The following ANO1 variants were observed in gnomAD, a reference collection of about 807,000 sequenced individuals.
ANO1 encodes anoctamin-1.
Under a neutral mutation model 124.0 loss-of-function variants are expected in ANO1, and 59 were observed. The observed-to-expected ratio is 0.48, with a 90% CI of 0.39 to 0.59. ANO1 has a LOEUF of 0.59. Ranked by LOEUF, ANO1 falls within the 20% of genes least tolerant of loss-of-function variation. ANO1 has a pLI of 0.00. For missense variants in ANO1, 1,059 were observed against 1,328.0 expected (o/e 0.80, Z 3.15); for synonymous variants, 529 against 532.0 (o/e 0.99, Z 0.08).
intron 11 of ANO1, among the ~76,000 whole-genome samples, chr11:70,146,041 C>T (rs1052630946): frequency 7.2e-5 from 11 of 152,036 alleles, no homozygotes; most frequent in African/African-American, 2.7e-4. Flanking sequence ...CCTCTCTGTG[C>T]CCCCATTTCC....
chr11:70,043,873 C>CA (rs1211785070), intron 1 of ANO1, among the ~76,000 whole-genome samples: 8 of 152,040 alleles, frequency 5.3e-5, no homozygotes, highest in Non-Finnish European at 1.0e-4. Flanking sequence ...GGGATATACA[C>CA]AAAAGGATGG....
rs190770933 is a variant in ANO1 at position 70,088,238 on chromosome 11, G to A, written c.441+154G>A. 9.6e-3 allele frequency among the ~76,000 whole-genome samples: 1,455 copies of A among 152,110 alleles called. 20 individuals carry two copies. The highest frequency in any genetic ancestry group is 0.032 in the African/African-American group (1,347 of 41,492). Reference sequence around the variant, plus strand: ...TAAAGAAGGGGCAGACGGGCCAGACGCAGTGGCTCACACCTGTAATCCCAG... The same window carrying A: ...TAAAGAAGGGGCAGACGGGCCAGACACAGTGGCTCACACCTGTAATCCCAG... On this transcript the variant is annotated intron_variant, in intron 2 of 25. Transcript: ENST00000355303.
chr11:70,173,857 C>T (rs1020992669), intron 22 of ANO1, among the ~76,000 whole-genome samples: 4 of 152,086 alleles, frequency 2.6e-5, no homozygotes, highest in Non-Finnish European at 5.9e-5. Context: ...TTGAGACCAG[C>T]CTGGCCAATA....
At chr11:70,007,572 G>A (rs973216009) in intron 1 of ANO1, among the ~76,000 whole-genome samples, 5 of 152,116 alleles carry the variant, frequency 3.3e-5, no homozygotes, top group East Asian at 1.9e-4. Flanking sequence ...GAGCCACCGC[G>A]CCCGGCCACC....
intron 1 of ANO1, among the ~76,000 whole-genome samples, chr11:70,027,200 G>A (rs1325629223): frequency 1.3e-5 from 2 of 152,152 alleles, no homozygotes; most frequent in African/African-American, 4.8e-5. Flanking sequence ...TAAACTCATT[G>A]TAAGTTGAAA....
Position 70,187,309 on chromosome 11 carries a change from A to G in ANO1, c.2695-429A>G, listed in dbSNP as rs543336384. 3.8e-4 allele frequency among the ~76,000 whole-genome samples: 58 copies of G among 152,320 alleles called. 1 individual carries two copies. Among genetic ancestry groups the G allele is most frequent in the Admixed American group, 2.8e-3 (43 of 15,306 alleles). On this transcript the variant is annotated intron_variant, in intron 25 of 25. Coordinates refer to ENST00000355303, the MANE Select transcript of ANO1 (RefSeq NM_018043.7). ...TTATGTTGCCTTCTATCCACCAGAAATGTCTCCGTGGAGGTGGTAGATGTT... is the reference window on the plus strand; with the variant it reads ...TTATGTTGCCTTCTATCCACCAGAAGTGTCTCCGTGGAGGTGGTAGATGTT...
At chr11:70,000,273 A>G (rs569279235) in intron 1 of ANO1, among the ~76,000 whole-genome samples, 1 of 151,108 alleles carries the variant, frequency 6.6e-6, no homozygotes, top group Non-Finnish European at 1.5e-5. Context: ...ATGGAATGTG[A>G]CATCTGCTTT....
intron 16 of ANO1, among the ~76,000 whole-genome samples, chr11:70,160,684 C>A (rs534253862): frequency 6.6e-6 from 1 of 152,202 alleles, no homozygotes; most frequent in Non-Finnish European, 1.5e-5. Context: ...AGCCCTGCAC[C>A]ACCTGAGGAT....
intron 19 of ANO1, among the ~76,000 whole-genome samples, chr11:70,164,448 T>C (rs1375083204): frequency 6.6e-6 from 1 of 152,234 alleles, no homozygotes; most frequent in East Asian, 1.9e-4. Flanking sequence ...TGAAATGCTC[T>C]TTCCTTTTTA....
chr11:70,144,316 G>A (rs570621470), intron 11 of ANO1, among the ~76,000 whole-genome samples: 9 of 152,166 alleles, frequency 5.9e-5, no homozygotes, highest in African/African-American at 1.7e-4. Context: ...CCTGAGCACC[G>A]CTTGTGGATG....
At chr11:69,972,340 T>C in the ANO1 span, among the ~76,000 whole-genome samples, 5 of 151,670 alleles carry the variant, frequency 3.3e-5, no homozygotes, top group East Asian at 9.8e-4. Context: ...TTGAAATGAG[T>C]GCCCAGTCAC....
intron 1 of ANO1, among the ~76,000 whole-genome samples, chr11:70,067,323 G>GTT (rs71046572): frequency 4.7e-4 from 60 of 126,494 alleles, no homozygotes; most frequent in East Asian, 7.2e-4. Flanking sequence ...AATCGTGGGT[G>GTT]TTTTTTTTTT....
chr11:70,038,881 T>C (rs576537345), intron 1 of ANO1, among the ~76,000 whole-genome samples: 2 of 151,794 alleles, frequency 1.3e-5, no homozygotes, highest in African/African-American at 4.8e-5. Context: ...ACAGAGTGAG[T>C]GTGAGAGGAG....
intron 1 of ANO1, among the ~76,000 whole-genome samples, chr11:70,086,257 G>A (rs76115683): frequency 0.024 from 3,647 of 152,252 alleles, 143 homozygotes; most frequent in African/African-American, 0.083. Context: ...TCTTATTTCG[G>A]AAACCCAGAT....
At chr11:70,075,679 G>A (rs1443837856), upstream of ANO1, among the ~76,000 whole-genome samples, 1 of 152,096 alleles carries the variant, frequency 6.6e-6, no homozygotes, top group African/African-American at 2.4e-5. Flanking sequence ...GTCCCTGTGG[G>A]GTTTTAGTGA....
intron 20 of ANO1, among the ~76,000 whole-genome samples, chr11:70,166,526 C>T (rs1362917534): frequency 2.0e-5 from 3 of 152,066 alleles, no homozygotes; most frequent in South Asian, 2.1e-4. Flanking sequence ...TTGTACCCTT[C>T]GGAAATCCAT....
intron 2 of ANO1, among the ~76,000 whole-genome samples, chr11:70,090,994 T>A (rs1238673256): frequency 6.6e-6 from 1 of 152,244 alleles, no homozygotes; most frequent in Non-Finnish European, 1.5e-5. Context: ...TCATCTGAGC[T>A]GCACCAGCCC....
chr11:70,008,188 A>G (rs911635777), intron 1 of ANO1, among the ~76,000 whole-genome samples: 3 of 152,132 alleles, frequency 2.0e-5, no homozygotes, highest in African/African-American at 4.8e-5. Context: ...CCTTACAAAT[A>G]TTTCTTCTAC....
intron 1 of ANO1, among the ~76,000 whole-genome samples, chr11:70,030,487 T>C (rs1161375565): frequency 2.0e-5 from 3 of 152,098 alleles, no homozygotes; most frequent in African/African-American, 7.2e-5. Context: ...CCACAGTGAA[T>C]CTTAGGGGGT....
Sources: allele counts gnomAD v4.1 joint callset (sites outside exome capture counted in the v4.1 genomes callset), GRCh38; gene constraint gnomAD v4.1.1; transcripts MANE v1.5; gene names NCBI Gene and HGNC (gene_info 2026-07-23, HGNC 2026-07-21).